ARL15: variants seen among roughly 807,000 people sequenced by gnomAD.
The protein encoded by ARL15 is ADP-ribosylation factor-like protein 15.
Under a neutral mutation model 25.2 loss-of-function variants are expected in ARL15, and 19 were observed. The ratio of observed to expected loss-of-function variants is 0.75; its 90% CI spans 0.53 to 1.10. The LOEUF is 1.10. Ranked by LOEUF, ARL15 falls within the 50% of genes least tolerant of loss-of-function variation. The probability of loss-of-function intolerance (pLI) is 0.00; values close to 1 mark genes in which losing one functional copy is unlikely to be tolerated. For missense variants in ARL15, 220 were observed against 246.0 expected (o/e 0.89, Z 0.71); for synonymous variants, 94 against 86.8 (o/e 1.08, Z -0.46).
At chr5:54,018,826 C>T (rs989350875) in intron 4 of ARL15, among the ~76,000 whole-genome samples, 11 of 152,134 alleles carry the variant, frequency 7.2e-5, no homozygotes, top group African/African-American at 2.7e-4. Flanking sequence ...AGAGAAGTAA[C>T]AAACATGTAA....
intron 4 of ARL15, among the ~76,000 whole-genome samples, chr5:53,917,812 G>A (rs1195453969): frequency 6.6e-6 from 1 of 151,970 alleles, no homozygotes; most frequent in East Asian, 1.9e-4. Flanking sequence ...TCACCAGAGG[G>A]GTAAAGGGGG....
rs529752025 is a variant in ARL15, at chr5:53,996,618, TAAA to T, written c.463-109908_463-109906del. 4.6e-3 allele frequency among the ~76,000 whole-genome samples: 454 copies of T among 98,846 alleles called. 1 individual carries two copies. The highest frequency in any genetic ancestry group is 5.9e-3 in the Non-Finnish European group (277 of 47,346). The allele number at this position is 98,846 out of a possible 152,430, so 64.8% of individuals were successfully genotyped here. On this transcript the variant is annotated intron_variant, in intron 4 of 4. Coordinates refer to ENST00000504924, the MANE Select transcript of ARL15 (RefSeq NM_019087.3). Reference sequence around the variant, plus strand: ...TGGGTGACAGAGTGAGACTGTCTCATAAAAAAAAAAAAAAAAAAAAAAAGAGAA... The same window carrying T: ...TGGGTGACAGAGTGAGACTGTCTCATAAAAAAAAAAAAAAAAAAAAGAGAA...
At chr5:54,031,965 C>G (rs1750006955) in intron 4 of ARL15, among the ~76,000 whole-genome samples, 1 of 152,196 alleles carries the variant, frequency 6.6e-6, no homozygotes. Context: ...TCATTCCAAT[C>G]ACTGGTCAGG....
intron 4 of ARL15, among the ~76,000 whole-genome samples, chr5:53,979,928 C>T (rs1437219492): frequency 6.6e-6 from 1 of 151,974 alleles, no homozygotes; most frequent in Non-Finnish European, 1.5e-5. Context: ...TGGTCTCAAA[C>T]TCTTGGCCTC....
chr5:54,215,051 C>G (rs1435754645), intron 1 of ARL15, among the ~76,000 whole-genome samples: 1 of 151,936 alleles, frequency 6.6e-6, no homozygotes, highest in Non-Finnish European at 1.5e-5. Context: ...TGGGAGACAC[C>G]AGCCAGAGCA....
Position 54,055,352 on chromosome 5 carries a change from C to CTT in ARL15, c.462+57848_462+57849dup, listed in dbSNP as rs147040538. 3.6e-3 allele frequency among the ~76,000 whole-genome samples: 201 copies of CTT among 55,364 alleles called. 13 individuals carry two copies. The highest frequency in any genetic ancestry group is 0.015 in the African/African-American group (188 of 12,440). The allele number at this position is 55,364 out of a possible 152,430, so 36.3% of individuals were successfully genotyped here. On this transcript the variant is annotated intron_variant, in intron 4 of 4. Coordinates refer to ENST00000504924, the MANE Select transcript of ARL15 (RefSeq NM_019087.3). ...ACATGTATTAGTTGCATCATCATTC[C>CTT]TTTTTTTTTTTTTTTTTTTTTTTTT...
At chr5:53,938,578 G>A (rs1156828599) in intron 4 of ARL15, among the ~76,000 whole-genome samples, 2 of 152,164 alleles carry the variant, frequency 1.3e-5, no homozygotes, top group African/African-American at 4.8e-5. Context: ...TGTAATCCCA[G>A]CACTTGGGAG....
intron 1 of ARL15, among the ~76,000 whole-genome samples, chr5:54,173,740 A>AC (rs1380270095): frequency 1.3e-5 from 2 of 152,026 alleles, no homozygotes; most frequent in Non-Finnish European, 2.9e-5. Flanking sequence ...ATCTGACCAT[A>AC]CGTGCTTAAG....
intron 3 of ARL15, among the ~76,000 whole-genome samples, chr5:54,118,651 T>C (rs1001211699): frequency 6.6e-5 from 10 of 152,152 alleles, no homozygotes; most frequent in Admixed American, 6.5e-4. Flanking sequence ...CTTGGCTGAC[T>C]CAAGTCCCAA....
chr5:54,271,606 TA>T lies in ARL15; in HGVS notation c.48+38825del, dbSNP rs113545973. On this transcript the variant is annotated intron_variant, in intron 1 of 4. Coordinates refer to ENST00000504924, the MANE Select transcript of ARL15 (RefSeq NM_019087.3). The stretch of plus-strand genomic sequence containing the variant: ...TCATGGATATGGAATCTACTGACCA[TA>T]TATATATCCTTTTTATTCTCTCTGG... Among the ~76,000 whole-genome samples, 951 of 152,306 alleles carry T rather than the reference TA, an allele frequency of 6.2e-3. 7 individuals are homozygous for T. The highest frequency in any genetic ancestry group is 0.022 in the African/African-American group (910 of 41,558).
chr5:53,951,625 T>C (rs1360203518), intron 4 of ARL15: 1 of 459,560 alleles, frequency 2.2e-6, no homozygotes, highest in Non-Finnish European at 4.5e-6. Context: ...ACTTACTCCT[T>C]CCCTATATAC....
intron 1 of ARL15, among the ~76,000 whole-genome samples, chr5:54,253,870 A>G (rs190803402): frequency 3.9e-5 from 6 of 152,290 alleles, no homozygotes; most frequent in Non-Finnish European, 8.8e-5. Context: ...GATAACAGGC[A>G]TTAGCCACCA....
rs956056978 is a variant in ARL15, at chr5:54,241,753, G to C, written c.48+68679C>G. On this transcript the variant is annotated intron_variant, in intron 1 of 4. Coordinates refer to ENST00000504924, the MANE Select transcript of ARL15 (RefSeq NM_019087.3). ...CAAGCACCTAAGGTTTAAAAAACAT[G>C]AGCACATCTTGAAATGGACAAAAAG... Among the ~76,000 whole-genome samples the C allele has an allele frequency of 4.6e-5, 7 of 152,228 alleles. 1 individual carries two copies. In the South Asian group the frequency reaches 1.4e-3, roughly 32 times the overall value.
At chr5:53,949,171 T>G (rs1165589674) in intron 4 of ARL15, among the ~76,000 whole-genome samples, 1 of 152,190 alleles carries the variant, frequency 6.6e-6, no homozygotes, top group Non-Finnish European at 1.5e-5. Context: ...AATACAATGA[T>G]TTAATTCCCA....
At chr5:53,915,661 C>A (rs1745616970) in intron 4 of ARL15, among the ~76,000 whole-genome samples, 1 of 152,164 alleles carries the variant, frequency 6.6e-6, no homozygotes, top group African/African-American at 2.4e-5. Flanking sequence ...CCAGCTGCTA[C>A]ACTATTCATT....
At chr5:53,894,798 C>T (rs1205430021) in intron 4 of ARL15, among the ~76,000 whole-genome samples, 1 of 152,158 alleles carries the variant, frequency 6.6e-6, no homozygotes, top group South Asian at 2.1e-4. Context: ...AATACTCTCT[C>T]ATCTTTTAAG....
rs1744499822 is a variant in ARL15 at position 53,885,628 on chromosome 5, T to G, written c.*933A>C. On this transcript the variant is annotated 3_prime_UTR_variant, in exon 5 of 5. Transcript: ENST00000504924. ...TTCTGTCTTTGTTATCTTTGTCAAATCCATGCCATCTTAAACCCTAACCAG... is the reference window on the plus strand; with the variant it reads ...TTCTGTCTTTGTTATCTTTGTCAAAGCCATGCCATCTTAAACCCTAACCAG... 1 of 152,648 alleles carries G rather than the reference T, an allele frequency of 6.6e-6. No homozygotes were observed. The highest frequency in any genetic ancestry group is 2.4e-5 in the African/African-American group (1 of 41,470). 9.5% of individuals were successfully genotyped at this position (152,648 alleles called of 1,614,324 possible).
chr5:54,172,043 A>G (rs1445453678), intron 1 of ARL15, 115 bp from the exon 2 acceptor site: 12 of 1,247,500 alleles, frequency 9.6e-6, no homozygotes, highest in South Asian at 3.4e-5. Context: ...AGTATTACCT[A>G]TAAGGAAGAA....
At chr5:54,031,536 A>C (rs2111896747) in intron 4 of ARL15, among the ~76,000 whole-genome samples, 1 of 152,310 alleles carries the variant, frequency 6.6e-6, no homozygotes, top group East Asian at 1.9e-4. Context: ...ACTACCCTGG[A>C]GGCAACAGAC....
Sources: allele counts gnomAD v4.1 joint callset (sites outside exome capture counted in the v4.1 genomes callset), GRCh38; gene constraint gnomAD v4.1.1; transcripts MANE v1.5; gene names NCBI Gene and HGNC (gene_info 2026-07-23, HGNC 2026-07-21).